The following MIPOL1 variants were observed in gnomAD, a reference collection of about 807,000 sequenced individuals.
The protein encoded by MIPOL1 is mirror-image polydactyly 1.
In MIPOL1, 57 loss-of-function variants were observed where a neutral mutation model predicts 60.9. The ratio of observed to expected loss-of-function variants is 0.94; its 90% CI spans 0.76 to 1.17. The LOEUF is 1.17. Ranked by LOEUF, MIPOL1 falls within the 50% of genes most tolerant of loss-of-function variation. The probability of loss-of-function intolerance (pLI) is 0.00; values close to 1 mark genes in which losing one functional copy is unlikely to be tolerated. For synonymous variants in MIPOL1, 179 were observed against 168.8 expected, an observed-to-expected ratio of 1.06 and a Z score of -0.47; for missense variants, 551 against 511.6, an observed-to-expected ratio of 1.08 and a Z score of -0.74.
intron 3 of MIPOL1, among the ~76,000 whole-genome samples, chr14:37,264,625 CA>C (rs990977863): frequency 0.017 from 2,450 of 143,912 alleles, 67 homozygotes; most frequent in Admixed American, 0.073. Context: ...GAAACCCTCT[CA>C]AAAAAAAAAA....
intron 11 of MIPOL1, among the ~76,000 whole-genome samples, chr14:37,474,077 C>T (rs958593544): frequency 6.6e-6 from 1 of 152,064 alleles, no homozygotes; most frequent in African/African-American, 2.4e-5. Context: ...TAAGTTCCTC[C>T]ATGTATGTTC....
At chr14:37,519,033 G>A (rs1023165837) in intron 12 of MIPOL1, among the ~76,000 whole-genome samples, 6 of 152,158 alleles carry the variant, frequency 3.9e-5, no homozygotes, top group African/African-American at 1.4e-4. Flanking sequence ...ACAGAATAAT[G>A]TCAGTTAATA....
At chr14:37,467,118 C>G (rs1251984144) in intron 11 of MIPOL1, among the ~76,000 whole-genome samples, 1 of 152,154 alleles carries the variant, frequency 6.6e-6, no homozygotes, top group Non-Finnish European at 1.5e-5. Flanking sequence ...GAAGAAACCT[C>G]AATGAATGTT....
chr14:37,309,628 G>A (rs1331365589), intron 9 of MIPOL1, among the ~76,000 whole-genome samples: 2 of 151,366 alleles, frequency 1.3e-5, no homozygotes, highest in Non-Finnish European at 2.9e-5. Context: ...CAAGCTTCCC[G>A]CTTTCTGACT....
intron 11 of MIPOL1, among the ~76,000 whole-genome samples, chr14:37,437,664 C>T (rs2094183039): frequency 6.6e-6 from 1 of 152,118 alleles, no homozygotes; most frequent in Non-Finnish European, 1.5e-5. Flanking sequence ...TCTGCCTTTC[C>T]AGCTGAGTGA....
intron 10 of MIPOL1, among the ~76,000 whole-genome samples, chr14:37,380,358 A>G (rs2092893307): frequency 6.6e-6 from 1 of 152,126 alleles, no homozygotes; most frequent in South Asian, 2.1e-4. Flanking sequence ...CCAGGTTTAC[A>G]GTCTTTGCAT....
At chr14:37,281,203 G>A (rs2084078426) in intron 6 of MIPOL1, among the ~76,000 whole-genome samples, 1 of 152,128 alleles carries the variant, frequency 6.6e-6, no homozygotes, top group South Asian at 2.1e-4. Flanking sequence ...ATGAGATGAT[G>A]CCTATTTTTA....
intron 11 of MIPOL1, among the ~76,000 whole-genome samples, chr14:37,472,039 T>A (rs2094696432): frequency 1.3e-5 from 2 of 152,186 alleles, no homozygotes; most frequent in African/African-American, 4.8e-5. Context: ...AGTAGGCATG[T>A]ACCAGCTGAA....
At chr14:37,252,478 A>G (rs1182844963) in intron 3 of MIPOL1, among the ~76,000 whole-genome samples, 1 of 151,922 alleles carries the variant, frequency 6.6e-6, no homozygotes, top group Non-Finnish European at 1.5e-5. Flanking sequence ...TATCATTTGT[A>G]TCCATGATTC....
At chr14:37,491,441 A>G (rs1387966173) in intron 11 of MIPOL1, among the ~76,000 whole-genome samples, 1 of 152,188 alleles carries the variant, frequency 6.6e-6, no homozygotes, top group Non-Finnish European at 1.5e-5. Flanking sequence ...AGGTAGTAGA[A>G]TCGCTTGAAC....
intron 11 of MIPOL1, among the ~76,000 whole-genome samples, chr14:37,485,236 T>C (rs962484564): frequency 6.6e-6 from 1 of 152,234 alleles, no homozygotes; most frequent in Admixed American, 6.5e-5. Context: ...CTATCACTGA[T>C]GGGCATTTGG....
chr14:37,341,155 A>G (rs2090542502), intron 9 of MIPOL1, among the ~76,000 whole-genome samples: 1 of 152,158 alleles, frequency 6.6e-6, no homozygotes, highest in Non-Finnish European at 1.5e-5. Flanking sequence ...TTGTTAAGCA[A>G]TGTATTCCTG....
chr14:37,260,127 C>T (rs2082414446), intron 3 of MIPOL1, among the ~76,000 whole-genome samples: 1 of 151,720 alleles, frequency 6.6e-6, no homozygotes, highest in Non-Finnish European at 1.5e-5. Flanking sequence ...TATTTCTGGC[C>T]AGATGCGTTA....
intron 12 of MIPOL1, among the ~76,000 whole-genome samples, chr14:37,524,578 T>TC (rs2095435217): frequency 7.0e-6 from 1 of 142,194 alleles, no homozygotes; most frequent in South Asian, 2.3e-4. Flanking sequence ...TTCTTTTTTT[T>TC]TTTTTTTGAG....
chr14:37,416,976 T>TA (rs1382774734), intron 10 of MIPOL1, among the ~76,000 whole-genome samples: 2 of 152,184 alleles, frequency 1.3e-5, no homozygotes, highest in Non-Finnish European at 2.9e-5. Context: ...CAGGCACTGT[T>TA]ACGTTTTACA....
At chr14:37,460,742 C>T (rs1413841953) in intron 11 of MIPOL1, among the ~76,000 whole-genome samples, 1 of 152,146 alleles carries the variant, frequency 6.6e-6, no homozygotes, top group African/African-American at 2.4e-5. Flanking sequence ...AAATCAAGAA[C>T]TCAGTCCCAT....
At chr14:37,342,265 G>C (rs2090624958) in intron 9 of MIPOL1, among the ~76,000 whole-genome samples, 1 of 151,936 alleles carries the variant, frequency 6.6e-6, no homozygotes, top group Non-Finnish European at 1.5e-5. Context: ...GCTGAGACAG[G>C]AGAATCGCTT....
rs569600096 is a variant in MIPOL1, at chr14:37,441,639, C to T, written c.1031+18690C>T. On this transcript the variant is annotated intron_variant, in intron 11 of 12. Transcript: ENST00000684589. ...CATGCTGTTTTCGTTACTATAGCCTCGTAGTATAATTTGAAGTCAAGTAAC... is the reference window on the plus strand; with the variant it reads ...CATGCTGTTTTCGTTACTATAGCCTTGTAGTATAATTTGAAGTCAAGTAAC... Among the ~76,000 whole-genome samples the T allele has an allele frequency of 9.2e-5, 14 of 152,098 alleles. No individual in the cohort carries two copies. The South Asian group carries it at 1.5e-3, about 16-fold the overall frequency.
chr14:37,380,282 G>A (rs947056947), intron 10 of MIPOL1, among the ~76,000 whole-genome samples: 1 of 152,056 alleles, frequency 6.6e-6, no homozygotes, highest in African/African-American at 2.4e-5. Flanking sequence ...GCCAGCCTTT[G>A]TTTTCCACAG....
Sources: gnomAD v4.1 joint callset for allele counts (sites outside exome capture counted in the v4.1 genomes callset) on GRCh38, gnomAD v4.1.1 for gene constraint, MANE v1.5 for transcripts, NCBI Gene and HGNC (gene_info 2026-07-23, HGNC 2026-07-21) for gene names.